FRMPD3: variants seen among roughly 807,000 people sequenced by gnomAD.
FRMPD3 encodes FERM and PDZ domain containing 3.
Under a neutral mutation model 97.9 loss-of-function variants are expected in FRMPD3, and 42 were observed. The ratio of observed to expected loss-of-function variants is 0.43; its 90% CI spans 0.34 to 0.55. FRMPD3 has a LOEUF of 0.55. Among genes scored for constraint, FRMPD3 ranks in the 20% least tolerant of loss-of-function variants. FRMPD3 has a pLI of 0.03. For missense variants in FRMPD3, 1,303 were observed against 1,457.7 expected (o/e 0.89, Z 1.73); for synonymous variants, 577 against 581.1 (o/e 0.99, Z 0.10).
chrX:107,564,706 AC>A (rs1185696213), intron 11 of FRMPD3, among the ~76,000 whole-genome samples, 180 bp from the exon 12 acceptor site: 1 of 112,156 alleles, frequency 8.9e-6, no homozygotes. Context: ...TATCCCAGGA[AC>A]CATTTTCTGT....
At chrX:107,460,299 G>A (rs1379563845) in intron 1 of FRMPD3, among the ~76,000 whole-genome samples, 1 of 111,275 alleles carries the variant, frequency 9.0e-6, no homozygotes, top group Non-Finnish European at 1.9e-5. Flanking sequence ...TTTTGTCATT[G>A]GTTTATACAT....
At chrX:107,575,069 C>T (rs945453237) in intron 12 of FRMPD3, among the ~76,000 whole-genome samples, 18 of 112,369 alleles carry the variant, frequency 1.6e-4, no homozygotes, top group African/African-American at 5.8e-4. Flanking sequence ...ATAGCATTGC[C>T]TGGTCTCTGA....
At chrX:107,579,188 G>A (rs896059197) in intron 13 of FRMPD3, among the ~76,000 whole-genome samples, 2 of 112,092 alleles carry the variant, frequency 1.8e-5, no homozygotes, top group Non-Finnish European at 3.8e-5. Flanking sequence ...TCTCAGAAAA[G>A]GGAGGAAGAG....
intron 4 of FRMPD3, among the ~76,000 whole-genome samples, chrX:107,538,540 TAAAAAAAAAAA>T (rs55749241): frequency 1.6e-5 from 1 of 63,769 alleles, no homozygotes; most frequent in Middle Eastern, 9.7e-3. Flanking sequence ...CTATATTTGT[TAAAAAAAAAAA>T]AAAAAAAAAA....
chrX:107,478,589 G>T (rs181845827), intron 1 of FRMPD3, among the ~76,000 whole-genome samples: 2 of 111,615 alleles, frequency 1.8e-5, no homozygotes, highest in East Asian at 2.8e-4. Context: ...CAAGCATCTG[G>T]TCCAGGGTGT....
intron 1 of FRMPD3, among the ~76,000 whole-genome samples, chrX:107,458,064 C>T (rs1454748527): frequency 9.0e-6 from 1 of 111,631 alleles, no homozygotes; most frequent in Non-Finnish European, 1.9e-5. Flanking sequence ...ATGTCTCACT[C>T]GGCAGCCTCA....
At chrX:107,593,449 C>T (rs1924007491) in intron 13 of FRMPD3, among the ~76,000 whole-genome samples, 1 of 111,677 alleles carries the variant, frequency 9.0e-6, no homozygotes, top group Non-Finnish European at 1.9e-5. Context: ...TTTTGGGTTC[C>T]TGGTCATGAA....
At position 107,551,127 on chromosome X, in the gene FRMPD3, T is replaced by C. The variant is rs145451087; in HGVS notation, c.510+971T>C. On this transcript the variant is annotated intron_variant, in intron 6 of 14. Transcript: ENST00000683843. ...CTAAGGGTGTTTTAGGTCATCCTAA[T>C]GATTTGGTGTGCTACTGGCATTTTG... Among the ~76,000 whole-genome samples the C allele has an allele frequency of 6.2e-4, 70 of 112,093 alleles. 1 individual carries two copies. Among genetic ancestry groups the C allele is most frequent in the Non-Finnish European group, 1.2e-3 (63 of 53,137 alleles).
At chrX:107,464,014 T>C (rs1931518743) in intron 1 of FRMPD3, among the ~76,000 whole-genome samples, 1 of 111,785 alleles carries the variant, frequency 8.9e-6, no homozygotes, top group Non-Finnish European at 1.9e-5. Flanking sequence ...GGTAAGATTG[T>C]GGCTCTTTTC....
In FRMPD3 at chrX:107,456,335, T is replaced by G. The variant is rs370667578; in HGVS notation, c.-8+6330T>G. On this transcript the variant is annotated intron_variant, in intron 1 of 14. Coordinates refer to ENST00000683843, the MANE Select transcript of FRMPD3 (RefSeq NM_001388459.1). Reference sequence around the variant, plus strand: ...CAGGCATGAGCCACTGTGCCCAGCCTGTCTTTACTTTTTCTTATAAATATT... The same window carrying G: ...CAGGCATGAGCCACTGTGCCCAGCCGGTCTTTACTTTTTCTTATAAATATT... Among the ~76,000 whole-genome samples the G allele has an allele frequency of 9.0e-4, 100 of 111,455 alleles. 4 individuals carry two copies. In the East Asian group the frequency reaches 0.015, roughly 17 times the overall value.
At chrX:107,523,313 G>A (rs1922573143) in intron 1 of FRMPD3, among the ~76,000 whole-genome samples, 1 of 112,073 alleles carries the variant, frequency 8.9e-6, no homozygotes, top group African/African-American at 3.2e-5. Flanking sequence ...GTTAAGGGCA[G>A]TTAGTCCAGC....
intron 12 of FRMPD3, among the ~76,000 whole-genome samples, chrX:107,570,812 T>C (rs959746348): frequency 1.8e-5 from 2 of 111,451 alleles, no homozygotes; most frequent in African/African-American, 6.5e-5. Context: ...ATCCTTTTCC[T>C]AGTTGGCATT....
intron 13 of FRMPD3, among the ~76,000 whole-genome samples, chrX:107,578,737 A>G (rs933181511): frequency 1.2e-4 from 13 of 111,152 alleles, no homozygotes; most frequent in Non-Finnish European, 1.9e-5. Flanking sequence ...ACTAGGCATC[A>G]TCTCCCTAGG....
rs1216953211 is a variant in FRMPD3 at position 107,604,020 on chromosome X, C to G, written c.*647C>G. ...GGTCCAGTAGCTCCACACCAGCCAT[C>G]CCCAAAGTGCCCTGCCCCTCACTGA... On this transcript the variant is annotated 3_prime_UTR_variant, in exon 15 of 15. Transcript: ENST00000683843. 1 of 110,471 alleles carries G rather than the reference C, an allele frequency of 9.1e-6. No homozygotes were observed. Among genetic ancestry groups the G allele is most frequent in the Non-Finnish European group, 1.9e-5 (1 of 52,830 alleles). 9.1% of individuals were successfully genotyped at this position (110,471 alleles called of 1,213,427 possible).
chrX:107,456,102 G>A (rs1215878863), intron 1 of FRMPD3, among the ~76,000 whole-genome samples: 3 of 110,292 alleles, frequency 2.7e-5, no homozygotes, highest in Non-Finnish European at 3.8e-5. Context: ...GTCTCACTCC[G>A]TTGCCCAGAT....
intron 2 of FRMPD3, among the ~76,000 whole-genome samples, chrX:107,529,584 C>G (rs919781193): frequency 8.3e-5 from 9 of 107,870 alleles, no homozygotes; most frequent in African/African-American, 2.0e-4. Flanking sequence ...GACTCCATCT[C>G]AAAAAAATAA....
intron 12 of FRMPD3, among the ~76,000 whole-genome samples, chrX:107,566,383 T>C (rs998995718): frequency 8.9e-6 from 1 of 112,870 alleles, no homozygotes. Context: ...TTCACAGGAT[T>C]CCCATTGGTT....
intron 14 of FRMPD3, among the ~76,000 whole-genome samples, chrX:107,598,657 G>C (rs1924332806): frequency 8.9e-6 from 1 of 112,174 alleles, no homozygotes; most frequent in Non-Finnish European, 1.9e-5. Context: ...ATCATTGTCA[G>C]TGTAACCTTT....
intron 13 of FRMPD3, among the ~76,000 whole-genome samples, chrX:107,588,540 C>T (rs1356849328): frequency 1.8e-5 from 2 of 112,134 alleles, no homozygotes; most frequent in Non-Finnish European, 3.8e-5. Flanking sequence ...AGGCGTGAGC[C>T]ACTGCACCCA....
Sources: allele counts gnomAD v4.1 joint callset (sites outside exome capture counted in the v4.1 genomes callset), GRCh38; gene constraint gnomAD v4.1.1; transcripts MANE v1.5; gene names NCBI Gene and HGNC (gene_info 2026-07-23, HGNC 2026-07-21).